AAK1: variants seen among roughly 807,000 people sequenced by gnomAD.
AAK1 encodes AP2-associated protein kinase 1.
A neutral mutation model predicts 116.0 loss-of-function variants in AAK1; 37 were observed. The observed-to-expected ratio is 0.32, with a 90% CI of 0.25 to 0.42. The LOEUF (loss-of-function observed/expected upper bound fraction) is 0.42, where lower values mean the gene tolerates loss of function less well. Among genes scored for constraint, AAK1 ranks in the 10% least tolerant of loss-of-function variants. AAK1 has a pLI of 1.00. For synonymous variants in AAK1, 458 were observed against 439.9 expected (o/e 1.04, Z -0.51); for missense variants, 919 against 1,170.6 (o/e 0.79, Z 3.14).
intron 2 of AAK1, among the ~76,000 whole-genome samples, chr2:69,639,858 G>A (rs1324018694): frequency 6.6e-6 from 1 of 152,062 alleles, no homozygotes; most frequent in Non-Finnish European, 1.5e-5. Context: ...AGAGTCCAGG[G>A]AAGGAGCATG....
chr2:69,587,300 T>C (rs1252200307), intron 2 of AAK1, among the ~76,000 whole-genome samples: 1 of 150,628 alleles, frequency 6.6e-6, no homozygotes, highest in East Asian at 2.0e-4. Flanking sequence ...CACACGTATA[T>C]ACGCATGTAT....
Position 69,593,008 on chromosome 2 carries a change from C to T in AAK1, c.164-36030G>A, listed in dbSNP as rs557276743. ...TGCATTTTCTCATTGACTTTAGTTT[C>T]CACTGCTGCTTGCATTTTTAGTATT... On this transcript the variant is annotated intron_variant, in intron 2 of 21. Transcript: ENST00000409085. Among the ~76,000 whole-genome samples, 4 of 152,270 alleles carry T rather than the reference C, an allele frequency of 2.6e-5. No individual in the cohort carries two copies. The South Asian group carries it at 8.3e-4, about 32-fold the overall frequency.
chr2:69,600,988 G>C (rs975464705), intron 2 of AAK1, among the ~76,000 whole-genome samples: 2 of 152,148 alleles, frequency 1.3e-5, no homozygotes, highest in Admixed American at 1.3e-4. Flanking sequence ...ATGATTGTTA[G>C]CCTATTTAGC....
At chr2:69,516,168 G>A (rs373417795) in intron 12 of AAK1, among the ~76,000 whole-genome samples, 141 of 152,128 alleles carry the variant, frequency 9.3e-4, no homozygotes, top group South Asian at 8.9e-3. Context: ...AGCTGAACGC[G>A]CCAGAAAATA....
Position 69,527,232 on chromosome 2 carries a change from G to T in AAK1, c.959C>A (p.Pro320Gln). The T allele has an allele frequency of 6.2e-7, 1 of 1,604,572 alleles. No homozygotes were observed. ...TTCACGTACCTGTACATTTGGAATT[G>T]GGCACTCTTTCTTGAGTAGCTTAAA... The part of the protein sequence containing the change: ...FSFKLLKKEC[P>Q]IPNVQNSPIP... Residue 320 changes from proline (P) to glutamine (Q), a missense_variant, in exon 9 of 22, where the codon CCA becomes CAA. Transcript: ENST00000409085.
intron 2 of AAK1, among the ~76,000 whole-genome samples, chr2:69,565,240 G>A (rs926730205): frequency 6.6e-6 from 1 of 152,248 alleles, no homozygotes; most frequent in Non-Finnish European, 1.5e-5. Flanking sequence ...AGGAACGTGG[G>A]CTAAGAGTTG....
intron 2 of AAK1, among the ~76,000 whole-genome samples, chr2:69,641,491 G>C (rs1172516566): frequency 6.6e-6 from 1 of 152,220 alleles, no homozygotes; most frequent in African/African-American, 2.4e-5. Flanking sequence ...ATAAAGCGCA[G>C]CTAGAACAGT....
At chr2:69,548,253 C>T (rs1438117217) in intron 3 of AAK1, among the ~76,000 whole-genome samples, 4 of 152,054 alleles carry the variant, frequency 2.6e-5, no homozygotes, top group Admixed American at 2.0e-4. Flanking sequence ...TTTGTATACA[C>T]ACAAAAGTAA....
rs114823244 is a variant in AAK1 at position 69,460,122 on chromosome 2, G to T, written c.*15747C>A. ...AAATAATTTCAGTCCCACATTTCTC[G>T]GATAAAACCACATCTGTGGTTTTAT... On this transcript the variant is annotated 3_prime_UTR_variant, in exon 22 of 22. Coordinates refer to ENST00000409085, the MANE Select transcript of AAK1 (RefSeq NM_014911.5). 6.6e-6 allele frequency: 1 copy of T among 152,044 alleles called. No homozygotes were observed. Among genetic ancestry groups the T allele is most frequent in the Non-Finnish European group, 1.5e-5 (1 of 67,956 alleles). The allele number at this position is 152,044 out of a possible 1,614,324, so 9.4% of individuals were successfully genotyped here.
intron 7 of AAK1, 137 bp from the exon 8 acceptor site, chr2:69,530,277 G>A (rs1037162462): frequency 4.3e-5 from 39 of 911,516 alleles, no homozygotes; most frequent in Non-Finnish European, 4.9e-5. Flanking sequence ...AGAAACATGA[G>A]TTTTAGAACC....
intron 2 of AAK1, among the ~76,000 whole-genome samples, chr2:69,636,495 T>C (rs887457114): frequency 1.3e-5 from 2 of 152,192 alleles, no homozygotes; most frequent in African/African-American, 4.8e-5. Flanking sequence ...CATGAAGATA[T>C]GGCATGTTTT....
Position 69,532,099 on chromosome 2 carries a change from T to G in AAK1, c.598A>C (p.Asn200His), listed in dbSNP as rs1197694979. 1 of 1,613,636 alleles carries G rather than the reference T, an allele frequency of 6.2e-7. No homozygotes were observed. Among genetic ancestry groups the G allele is most frequent in the African/African-American group, 1.3e-5 (1 of 74,914 alleles). The change falls in exon 6 of 22, where the codon AAC becomes CAC. Residue 200 changes from asparagine (N) to histidine (H), a missense_variant. This residue lies in a region of AAK1 where 317 missense variants were observed against 490.4 expected (regional missense o/e 0.65). Coordinates refer to ENST00000409085, the MANE Select transcript of AAK1 (RefSeq NM_014911.5). ...YVLCDFGSAT[N>H]KFQNPQTEGV... ...TCAGTTTGTGGATTCTGGAATTTGT[T>G]GGTGGCGCTTCCAAAGTCACACAGG...
At chr2:69,642,475 AC>A (rs1328341865) in intron 2 of AAK1, among the ~76,000 whole-genome samples, 1 of 151,874 alleles carries the variant, frequency 6.6e-6, no homozygotes, top group East Asian at 1.9e-4. Context: ...AGAAGGAGAA[AC>A]CCCTCTCTTC....
At chr2:69,594,759 G>A (rs551233523) in intron 2 of AAK1, 2 of 862,358 alleles carry the variant, frequency 2.3e-6, no homozygotes, top group Admixed American at 3.4e-5. Context: ...GGATCACTTA[G>A]CCCTTTCTCT....
chr2:69,590,021 C>CA (rs1463892765), intron 2 of AAK1, among the ~76,000 whole-genome samples: 3 of 152,136 alleles, frequency 2.0e-5, no homozygotes, highest in South Asian at 2.1e-4. Context: ...GGGAATAAGT[C>CA]AAAAAACCTC....
chr2:69,597,019 G>T (rs10177462), intron 2 of AAK1, among the ~76,000 whole-genome samples: 17,344 of 151,778 alleles, frequency 0.11, 2,286 homozygotes, highest in African/African-American at 0.3. Context: ...TACCAAATTG[G>T]GTCTTTTTTT....
At position 69,493,020 on chromosome 2, in the gene AAK1, C is replaced by T. The variant is rs565680602; in HGVS notation, c.2365+2965G>A. On this transcript the variant is annotated intron_variant, in intron 17 of 21. Coordinates refer to ENST00000409085, the MANE Select transcript of AAK1 (RefSeq NM_014911.5). The stretch of plus-strand genomic sequence containing the variant: ...CACTGAACCCTGAGCCCTTTCCTCA[C>T]TCAATATTCAAAAATGTTAAAAAAG... Among the ~76,000 whole-genome samples the T allele has an allele frequency of 2.6e-5, 4 of 151,702 alleles. No individual in the cohort carries two copies. The South Asian group carries it at 8.4e-4, about 32-fold the overall frequency.
intron 20 of AAK1, 69 bp downstream of exon 20, chr2:69,478,882 C>A: frequency 7.6e-7 from 1 of 1,317,728 alleles, no homozygotes. Context: ...ATAAGAAAAA[C>A]TTTCAAAAGT....
chr2:69,640,415 G>C (rs1415402396), intron 2 of AAK1, among the ~76,000 whole-genome samples: 1 of 152,166 alleles, frequency 6.6e-6, no homozygotes, highest in Non-Finnish European at 1.5e-5. Context: ...AGCTAGTAAA[G>C]AACAGATCCA....
Sources: allele counts gnomAD v4.1 joint callset (sites outside exome capture counted in the v4.1 genomes callset), GRCh38; gene constraint gnomAD v4.1.1; regional missense constraint gnomAD v4.1.1; transcripts MANE v1.5; gene names NCBI Gene and HGNC (gene_info 2026-07-23, HGNC 2026-07-21).